The following SLC15A1 variants were observed in gnomAD, a reference collection of about 807,000 sequenced individuals.
SLC15A1 encodes the protein Caco-2 oligopeptide transporter.
A neutral mutation model predicts 92.9 loss-of-function variants in SLC15A1; 83 were observed. The ratio of observed to expected loss-of-function variants is 0.89; its 90% CI spans 0.75 to 1.07. SLC15A1 has a LOEUF of 1.07. Among genes scored for constraint, SLC15A1 ranks in the 50% least tolerant of loss-of-function variants. The pLI, the probability that SLC15A1 is intolerant of heterozygous loss-of-function variation, is 0.00. For missense variants in SLC15A1, 857 were observed against 880.1 expected (o/e 0.97, Z 0.33); for synonymous variants, 322 against 318.2 (o/e 1.01, Z -0.13).
At chr13:98,692,975 G>A (rs1315790478) in intron 18 of SLC15A1, among the ~76,000 whole-genome samples, 2 of 151,724 alleles carry the variant, frequency 1.3e-5, no homozygotes, top group Non-Finnish European at 2.9e-5. Context: ...CTGGGTTCAA[G>A]CACTCAGCCC....
chr13:98,685,669 T>A (rs144692269), intron 22 of SLC15A1, among the ~76,000 whole-genome samples: 15 of 152,284 alleles, frequency 9.9e-5, no homozygotes, highest in Non-Finnish European at 1.9e-4. Flanking sequence ...GTTGTCAATT[T>A]CCAGCTGCGT....
chr13:98,749,765 G>A (rs1038220736), intron 1 of SLC15A1, among the ~76,000 whole-genome samples: 1 of 152,168 alleles, frequency 6.6e-6, no homozygotes, highest in Non-Finnish European at 1.5e-5. Flanking sequence ...GCCTGTTTTT[G>A]TGTGGCTCAC....
Position 98,686,279 on chromosome 13 carries a change from A to G in SLC15A1, c.1846T>C (p.Ser616Pro), listed in dbSNP as rs747762920. The change falls in exon 22 of 23, where the codon TCG becomes CCG. Residue 616 changes from serine (S) to proline (P), a missense_variant. By Grantham distance (74) the Ser-to-Pro change is moderately conservative. Coordinates refer to ENST00000376503, the MANE Select transcript of SLC15A1 (RefSeq NM_005073.4). ...SYSQAPSNMK[S>P]VLQAGWLLTV... is the part of the protein sequence containing the mutation. ...AGCAGCCATCCTGCCTGAAGCACCG[A>G]CTTCATGTTGGAAGGAGCCTGAGGA... 2.5e-5 allele frequency: 41 copies of G among 1,611,572 alleles called. No homozygotes were observed. The highest frequency in any genetic ancestry group is 3.1e-5 in the Non-Finnish European group (37 of 1,178,984).
At chr13:98,723,793 A>AG in intron 5 of SLC15A1, 119 bp downstream of exon 5, 1 of 1,402,364 alleles carries the variant, frequency 7.1e-7, no homozygotes, top group Non-Finnish European at 9.7e-7. Context: ...ATGCTGCCCA[A>AG]GGGGGAGGAA....
rs111301686 is a variant in SLC15A1 at position 98,702,610 on chromosome 13, G to C, written c.1417-81C>G. On this transcript the variant is annotated intron_variant, in intron 17 of 22. Coordinates refer to ENST00000376503, the MANE Select transcript of SLC15A1 (RefSeq NM_005073.4). ...AGTTCAGATGAATATTTCAGTCTTT[G>C]AGAAGGTGGTATTGACACTTATCCT... The C allele has an allele frequency of 1.3e-4, 158 of 1,190,786 alleles. 1 individual carries two copies. In the African/African-American group the frequency reaches 1.8e-3, roughly 13 times the overall value. 73.8% of individuals were successfully genotyped at this position (1,190,786 alleles called of 1,614,324 possible).
Position 98,704,188 on chromosome 13 carries a change from A to G in SLC15A1, c.1416+101T>C. On this transcript the variant is annotated intron_variant, in intron 17 of 22. Transcript: ENST00000376503. ...GAAGGAAGAAATTGAGGATGATCTA[A>G]TATAACACTATATGGGAGTAAAACA... The G allele has an allele frequency of 3.7e-6, 4 of 1,087,418 alleles. No individual in the cohort carries two copies. The South Asian group carries it at 8.3e-5, about 22-fold the overall frequency. 67.4% of individuals were successfully genotyped at this position (1,087,418 alleles called of 1,614,324 possible). A position where few individuals can be genotyped will look rare whatever the true frequency, so the allele number is the denominator to read the frequency against.
chr13:98,704,635 T>C (rs1222489813), intron 16 of SLC15A1, among the ~76,000 whole-genome samples, 200 bp from the exon 17 acceptor site: 3 of 152,170 alleles, frequency 2.0e-5, no homozygotes, highest in African/African-American at 7.2e-5. Context: ...AGGTTTTTGG[T>C]ACCACCACAG....
At chr13:98,713,192 G>C (rs1203028603) in intron 9 of SLC15A1, among the ~76,000 whole-genome samples, 3 of 152,096 alleles carry the variant, frequency 2.0e-5, no homozygotes, top group Non-Finnish European at 2.9e-5. Context: ...AAGTAGCTGG[G>C]ACCACGGGTA....
intron 18 of SLC15A1, among the ~76,000 whole-genome samples, chr13:98,692,422 G>A (rs1377648939): frequency 1.3e-5 from 2 of 152,042 alleles, no homozygotes; most frequent in South Asian, 4.2e-4. Context: ...ACCTCCCAAA[G>A]TGCTGGGATT....
intron 9 of SLC15A1, among the ~76,000 whole-genome samples, chr13:98,715,257 C>T (rs1447152053): frequency 6.6e-6 from 1 of 152,220 alleles, no homozygotes; most frequent in Non-Finnish European, 1.5e-5. Context: ...TCACTGCAAC[C>T]TCTGCCTCCC....
chr13:98,692,176 C>T (rs1363383097), intron 18 of SLC15A1, among the ~76,000 whole-genome samples: 4 of 106,912 alleles, frequency 3.7e-5, no homozygotes, highest in Non-Finnish European at 7.0e-5. Flanking sequence ...TTTTTTAAGA[C>T]AAGGCCTCAC....
chr13:98,687,806 C>T (rs2139559832), intron 20 of SLC15A1, 82 bp from the exon 21 acceptor site: 2 of 1,498,284 alleles, frequency 1.3e-6, no homozygotes, highest in Non-Finnish European at 1.8e-6. Flanking sequence ...TGAGTTTGAC[C>T]TTCTAGGATT....
intron 15 of SLC15A1, among the ~76,000 whole-genome samples, chr13:98,707,141 C>T (rs1279265868): frequency 6.6e-6 from 1 of 152,200 alleles, no homozygotes; most frequent in African/African-American, 2.4e-5. Context: ...CCATGTCCAC[C>T]TTAGCCCACA....
At chr13:98,702,392 T>C (rs901804097) in intron 18 of SLC15A1, 88 bp downstream of exon 18, 24 of 919,134 alleles carry the variant, frequency 2.6e-5, no homozygotes, top group Non-Finnish European at 4.1e-5. Context: ...TCTCATTTTA[T>C]ATCCTTGTTA....
intron 4 of SLC15A1, among the ~76,000 whole-genome samples, chr13:98,725,228 T>C (rs570386553): frequency 6.6e-6 from 1 of 152,284 alleles, no homozygotes; most frequent in South Asian, 2.1e-4. Flanking sequence ...CAAATATACC[T>C]TTTTCCTTTA....
intron 18 of SLC15A1, among the ~76,000 whole-genome samples, chr13:98,692,140 T>C (rs1485752979): frequency 8.5e-5 from 1 of 11,788 alleles, no homozygotes; most frequent in Non-Finnish European, 1.7e-4. Context: ...CCTAAACTTT[T>C]TTTTTTTTTT....
chr13:98,713,840 A>C (rs901022723), intron 9 of SLC15A1, among the ~76,000 whole-genome samples: 8 of 152,154 alleles, frequency 5.3e-5, no homozygotes, highest in African/African-American at 1.9e-4. Flanking sequence ...TGAGACCAGG[A>C]GTTCAAGACC....
At chr13:98,697,009 T>C (rs1422177899) in intron 18 of SLC15A1, among the ~76,000 whole-genome samples, 2 of 152,158 alleles carry the variant, frequency 1.3e-5, no homozygotes, top group Non-Finnish European at 2.9e-5. Context: ...TCTGGCATCC[T>C]GATCTTACAC....
At chr13:98,739,425 G>A (rs556052980) in intron 1 of SLC15A1, among the ~76,000 whole-genome samples, 1 of 152,342 alleles carries the variant, frequency 6.6e-6, no homozygotes, top group African/African-American at 2.4e-5. Flanking sequence ...ATGCTCAATT[G>A]TTGGAGGTGG....
Sources: gnomAD v4.1 joint callset for allele counts (sites outside exome capture counted in the v4.1 genomes callset) on GRCh38, gnomAD v4.1.1 for gene constraint, MANE v1.5 for transcripts, NCBI Gene and HGNC (gene_info 2026-07-23, HGNC 2026-07-21) for gene names.